RPF1: variants seen among roughly 807,000 people sequenced by gnomAD.
RPF1 encodes ribosome production factor 1.
RPF1 carries 34 observed loss-of-function variants against 41.9 expected under a neutral mutation model. The ratio of observed to expected loss-of-function variants is 0.81; its 90% CI spans 0.62 to 1.08. RPF1 has a LOEUF of 1.08. Among genes scored for constraint, RPF1 ranks in the 50% least tolerant of loss-of-function variants. The pLI is 0.00. For synonymous variants in RPF1, 140 were observed against 148.9 expected (o/e 0.94, Z 0.43); for missense variants, 425 against 435.2 (o/e 0.98, Z 0.21).
chr1:84,496,285 T>G lies in RPF1; in HGVS notation c.923T>G (p.Leu308Arg). The G allele has an allele frequency of 6.2e-7, 1 of 1,613,568 alleles. No homozygotes were observed. Among genetic ancestry groups the G allele is most frequent in the Non-Finnish European group, 8.5e-7 (1 of 1,179,584 alleles). Residue 308 changes from leucine to arginine, a missense_variant, in exon 8 of 9, where the codon CTT (leucine) becomes CGT (arginine). Transcript: ENST00000370654. Reference protein sequence around the residue: ...RSEKKVGIQELGPRFTLKLRS... With the variant: ...RSEKKVGIQERGPRFTLKLRS... Reference sequence around the variant, plus strand: ...GAAAAGAAAGTGGGAATTCAGGAACTTGGACCACGTTTTACCTTAAAATTA... The same window carrying G: ...GAAAAGAAAGTGGGAATTCAGGAACGTGGACCACGTTTTACCTTAAAATTA...
Position 84,492,191 on chromosome 1 carries a change from T to A in RPF1, c.616+1719T>A, listed in dbSNP as rs551523780. On this transcript the variant is annotated intron_variant, in intron 5 of 8. Coordinates refer to ENST00000370654, the MANE Select transcript of RPF1 (RefSeq NM_025065.7). ...AAAAAATGGTGATTATCCTAGAGAC[T>A]TAGCATGGGTTCAGGAATAAAAATC... Among the ~76,000 whole-genome samples, 5 of 151,920 alleles carry A rather than the reference T, an allele frequency of 3.3e-5. No individual in the cohort carries two copies. In the South Asian group the frequency reaches 1.0e-3, roughly 32 times the overall value.
At chr1:84,489,182 C>G (rs143270166) in intron 3 of RPF1, among the ~76,000 whole-genome samples, 33 of 152,246 alleles carry the variant, frequency 2.2e-4, no homozygotes, top group Non-Finnish European at 4.3e-4. Flanking sequence ...CAGACTACCA[C>G]TTTTGGTATA....
intron 3 of RPF1, among the ~76,000 whole-genome samples, chr1:84,485,524 A>G (rs748085579): frequency 3.3e-5 from 5 of 152,232 alleles, no homozygotes; most frequent in Non-Finnish European, 5.9e-5. Flanking sequence ...TGCTTTATCA[A>G]AAAGTTTTGA....
At chr1:84,493,328 C>G (rs1681866880) in intron 5 of RPF1, among the ~76,000 whole-genome samples, 1 of 123,930 alleles carries the variant, frequency 8.1e-6, no homozygotes, top group African/African-American at 3.4e-5. Flanking sequence ...GTAGGCACTA[C>G]TATCAAAAAA....
intron 5 of RPF1, among the ~76,000 whole-genome samples, chr1:84,491,185 T>G (rs887340308): frequency 6.6e-6 from 1 of 152,230 alleles, no homozygotes; most frequent in Non-Finnish European, 1.5e-5. Flanking sequence ...ATAAGAGATT[T>G]GATAAAGGAT....
chr1:84,495,189 G>C (rs1681909382), intron 5 of RPF1, among the ~76,000 whole-genome samples, 184 bp from the exon 6 acceptor site: 1 of 152,118 alleles, frequency 6.6e-6, no homozygotes, highest in South Asian at 2.1e-4. Flanking sequence ...CTATATTCTT[G>C]AAAGATTTTG....
Position 84,497,615 on chromosome 1 carries a change from A to C in RPF1, c.*145A>C, listed in dbSNP as rs1681965583. On this transcript the variant is annotated 3_prime_UTR_variant, in exon 9 of 9. Transcript: ENST00000370654. ...CTGGACGAATTACCAAATGCCATGA[A>C]TTGCCACTGTGTGTTTATGTAGAAA... 1 of 509,072 alleles carries C rather than the reference A, an allele frequency of 2.0e-6. No homozygotes were observed. Among genetic ancestry groups the C allele is most frequent in the South Asian group, 3.9e-5 (1 of 25,576 alleles). 31.5% of individuals were successfully genotyped at this position (509,072 alleles called of 1,614,324 possible). A position where few individuals can be genotyped will look rare whatever the true frequency, so the allele number is the denominator to read the frequency against.
At chr1:84,493,594 A>AC (rs1404080538) in intron 5 of RPF1, among the ~76,000 whole-genome samples, 1 of 151,962 alleles carries the variant, frequency 6.6e-6, no homozygotes, top group Non-Finnish European at 1.5e-5. Context: ...TCTCAAAAAA[A>AC]AAAAACAAAA....
At chr1:84,495,585 A>C (rs1352724310) in intron 6 of RPF1, 130 bp downstream of exon 6, 1 of 586,374 alleles carries the variant, frequency 1.7e-6, no homozygotes, top group Admixed American at 3.7e-5. Context: ...AGCAGTTTTT[A>C]ATCTATCAAT....
rs551300512 is a variant in RPF1 at position 84,497,680 on chromosome 1, A to AACTT, written c.*212_*215dup. The AACTT allele has an allele frequency of 2.2e-4, 95 of 430,400 alleles. 1 individual carries two copies. The highest frequency in any genetic ancestry group is 1.9e-3 in the African/African-American group (92 of 48,678). 26.7% of individuals were successfully genotyped at this position (430,400 alleles called of 1,614,324 possible). A position where few individuals can be genotyped will look rare whatever the true frequency, so the allele number is the denominator to read the frequency against. On this transcript the variant is annotated 3_prime_UTR_variant, in exon 9 of 9. Coordinates refer to ENST00000370654, the MANE Select transcript of RPF1 (RefSeq NM_025065.7). The stretch of plus-strand genomic sequence containing the variant: ...TATTTTGATGGCTTAGGTTTCCTTA[A>AACTT]ACTTAGTTCTCTTGTTTTTGGGTAA...
At chr1:84,497,279 T>C (rs1251793638) in intron 8 of RPF1, 150 bp from the exon 9 acceptor site, 4 of 602,456 alleles carry the variant, frequency 6.6e-6, no homozygotes, top group Non-Finnish European at 6.0e-6. Context: ...GACCGAAGAC[T>C]GACTATTCGG....
intron 3 of RPF1, among the ~76,000 whole-genome samples, chr1:84,488,907 A>G (rs556524624): frequency 1.2e-4 from 19 of 152,280 alleles, no homozygotes; most frequent in African/African-American, 4.3e-4. Flanking sequence ...GAGTGAGACT[A>G]CAGTAATGTC....
chr1:84,486,277 C>T (rs7539413), intron 3 of RPF1, among the ~76,000 whole-genome samples: 29,065 of 151,866 alleles, frequency 0.19, 4,299 homozygotes, highest in African/African-American at 0.41. Flanking sequence ...TGAAGAGCCA[C>T]TGGGTGGGTT....
intron 1 of RPF1, 81 bp downstream of exon 1, chr1:84,479,590 T>G (rs1558536830): frequency 3.8e-6 from 5 of 1,331,664 alleles, no homozygotes; most frequent in Non-Finnish European, 5.3e-6. Flanking sequence ...CATCTGTGGT[T>G]GTCTGCTGGT....
chr1:84,495,367 G>C lies in RPF1; in HGVS notation c.617-6G>C, dbSNP rs1447094870. 1 of 1,342,058 alleles carries C rather than the reference G, an allele frequency of 7.5e-7. No homozygotes were observed. The highest frequency in any genetic ancestry group is 1.2e-5 in the South Asian group (1 of 80,828). The allele number at this position is 1,342,058 out of a possible 1,614,324, so 83.1% of individuals were successfully genotyped here. A position where few individuals can be genotyped will look rare whatever the true frequency, so the allele number is the denominator to read the frequency against. On this transcript the variant is annotated splice_polypyrimidine_tract_variant and splice_region_variant and intron_variant, in intron 5 of 8. Coordinates refer to ENST00000370654, the MANE Select transcript of RPF1 (RefSeq NM_025065.7). ...TCAATGTGTTTTTCTTAACTTTTAT[G>C]AACAGATGGACTTATTTTGAGTCAC...
intron 1 of RPF1, 140 bp downstream of exon 1, chr1:84,479,649 A>G: frequency 1.3e-6 from 1 of 764,528 alleles, no homozygotes; most frequent in East Asian, 2.7e-5. Flanking sequence ...GTCGCGGCCC[A>G]CGTGTTCTGG....
chr1:84,480,376 T>A lies in RPF1; in HGVS notation c.229-580T>A, dbSNP rs1373365639. On this transcript the variant is annotated intron_variant, in intron 1 of 8. Coordinates refer to ENST00000370654, the MANE Select transcript of RPF1 (RefSeq NM_025065.7). Reference sequence around the variant, plus strand: ...GGAAAAAAGAATATTTTTTATTTTGTCAAGCATTCTATCTAGAAATCTCCA... The same window carrying A: ...GGAAAAAAGAATATTTTTTATTTTGACAAGCATTCTATCTAGAAATCTCCA... 2.6e-5 allele frequency among the ~76,000 whole-genome samples: 4 copies of A among 152,184 alleles called. No homozygotes were observed. The East Asian group carries it at 7.7e-4, about 29-fold the overall frequency.
At chr1:84,496,200 A>AC in intron 7 of RPF1, 44 bp from the exon 8 acceptor site, 1 of 1,571,172 alleles carries the variant, frequency 6.4e-7, no homozygotes. Flanking sequence ...ATAATGTTAA[A>AC]CAATAGCTCA....
At chr1:84,479,604 A>G (rs546351541) in intron 1 of RPF1, 95 bp downstream of exon 1, 4 of 1,200,574 alleles carry the variant, frequency 3.3e-6, no homozygotes, top group Non-Finnish European at 3.5e-6. Context: ...TGCTGGTCTC[A>G]AAAGTGTTCT....
Sources: allele counts gnomAD v4.1 joint callset (sites outside exome capture counted in the v4.1 genomes callset), GRCh38; gene constraint gnomAD v4.1.1; transcripts MANE v1.5; gene names NCBI Gene and HGNC (gene_info 2026-07-23, HGNC 2026-07-21).